Variants in BMAL1 observed in about 807,000 individuals in gnomAD.
BMAL1 encodes basic helix-loop-helix ARNT like 1.
chr11:13,375,897 C>T, the BMAL1 span: 168 of 799,368 alleles, frequency 2.1e-4, no homozygotes, highest in Non-Finnish European at 3.0e-4. Flanking sequence ...TGTGAAGCCT[C>T]AGGACTGGCA....
chr11:13,284,791 C>G, the BMAL1 span, among the ~76,000 whole-genome samples: 1 of 152,172 alleles, frequency 6.6e-6, no homozygotes, highest in South Asian at 2.1e-4. Flanking sequence ...GACAGGCCAG[C>G]TTTGCCTGCT....
At chr11:13,366,553 G>A in the BMAL1 span, 1 of 943,664 alleles carries the variant, frequency 1.1e-6, no homozygotes, top group South Asian at 1.5e-5. Context: ...AAAGTTTGAG[G>A]TCTCATGCAC....
the BMAL1 span, chr11:13,356,673 TTATGA>T: frequency 1.3e-5 from 20 of 1,587,824 alleles, no homozygotes; most frequent in Non-Finnish European, 1.5e-5. Context: ...GCCTTCTGTC[TTATGA>T]TAAGAAGCTC....
chr11:13,290,579 A>G, the BMAL1 span, among the ~76,000 whole-genome samples: 2 of 150,898 alleles, frequency 1.3e-5, no homozygotes, highest in Non-Finnish European at 2.9e-5. Flanking sequence ...TATTATTATT[A>G]TTATTATTAT....
At chr11:13,366,843 G>A in the BMAL1 span, 1 of 1,367,930 alleles carries the variant, frequency 7.3e-7, no homozygotes, top group Non-Finnish European at 1.0e-6. Context: ...CCAACCCTGA[G>A]TGAGCAGAGG....
At chr11:13,334,707 G>A in the BMAL1 span, among the ~76,000 whole-genome samples, 1 of 152,174 alleles carries the variant, frequency 6.6e-6, no homozygotes, top group African/African-American at 2.4e-5. Flanking sequence ...CAGCAGTTAC[G>A]GGGGTGGAAG....
the BMAL1 span, among the ~76,000 whole-genome samples, chr11:13,382,949 T>C: frequency 6.6e-6 from 1 of 152,220 alleles, no homozygotes; most frequent in African/African-American, 2.4e-5. Flanking sequence ...CTTATGAAAA[T>C]TCTCCCTTTT....
the BMAL1 span, among the ~76,000 whole-genome samples, chr11:13,341,356 C>T: frequency 2.8e-4 from 42 of 152,220 alleles, no homozygotes; most frequent in Non-Finnish European, 4.6e-4. Flanking sequence ...CAGGCCATTC[C>T]ATCCAAGATC....
At chr11:13,295,603 G>A in the BMAL1 span, among the ~76,000 whole-genome samples, 2 of 152,174 alleles carry the variant, frequency 1.3e-5, no homozygotes, top group Non-Finnish European at 2.9e-5. Flanking sequence ...CCTTCAGATG[G>A]AGATAGCAAA....
At chr11:13,278,458 C>T in the BMAL1 span, among the ~76,000 whole-genome samples, 1 of 152,216 alleles carries the variant, frequency 6.6e-6, no homozygotes, top group Non-Finnish European at 1.5e-5. Flanking sequence ...GCCCTTCCTC[C>T]CCGCTTCACT....
the BMAL1 span, chr11:13,360,476 A>C: frequency 1.4e-5 from 21 of 1,528,262 alleles, no homozygotes; most frequent in African/African-American, 2.8e-5. Flanking sequence ...TAAATTTTCA[A>C]GTAAGTACCA....
the BMAL1 span, among the ~76,000 whole-genome samples, chr11:13,383,570 T>C: frequency 6.6e-6 from 1 of 152,146 alleles, no homozygotes; most frequent in Non-Finnish European, 1.5e-5. Context: ...CCATCATGGC[T>C]AGGTGCAGTG....
chr11:13,289,276 G>T, the BMAL1 span, among the ~76,000 whole-genome samples: 1 of 152,224 alleles, frequency 6.6e-6, no homozygotes, highest in East Asian at 1.9e-4. Flanking sequence ...AGGAGAACCA[G>T]AAGAAAGTTC....
chr11:13,359,813 G>T, the BMAL1 span, among the ~76,000 whole-genome samples: 1 of 152,174 alleles, frequency 6.6e-6, no homozygotes, highest in Non-Finnish European at 1.5e-5. Context: ...ATTGACTGAA[G>T]CAATGCATTC....
the BMAL1 span, among the ~76,000 whole-genome samples, chr11:13,284,160 G>A: frequency 0.095 from 880 of 9,248 alleles, 32 homozygotes; most frequent in Non-Finnish European, 0.13. Context: ...ATATATATAT[G>A]TGTGTATATA....
chr11:13,360,523 T>A, the BMAL1 span: 399 of 1,075,696 alleles, frequency 3.7e-4, no homozygotes, highest in Non-Finnish European at 5.1e-4. Flanking sequence ...CTGAGCTTTT[T>A]TTTTTAGGCC....
chr11:13,385,717 C>T, the BMAL1 span: 1 of 1,613,508 alleles, frequency 6.2e-7, no homozygotes, highest in Non-Finnish European at 8.5e-7. Flanking sequence ...CCAGACATTC[C>T]TTCCAGTGGC....
chr11:13,295,725 AC>A, the BMAL1 span, among the ~76,000 whole-genome samples: 2 of 152,220 alleles, frequency 1.3e-5, no homozygotes, highest in Non-Finnish European at 2.9e-5. Context: ...AAATTTGCAT[AC>A]AAGAGTCCAG....
chr11:13,332,105 G>A, the BMAL1 span, among the ~76,000 whole-genome samples: 1 of 152,194 alleles, frequency 6.6e-6, no homozygotes, highest in African/African-American at 2.4e-5. Flanking sequence ...ATGCTAGGAT[G>A]TGAACCACCT....
Sources: allele counts gnomAD v4.1 joint callset (sites outside exome capture counted in the v4.1 genomes callset), GRCh38; gene constraint gnomAD v4.1.1; transcripts MANE v1.5; gene names NCBI Gene and HGNC (gene_info 2026-07-23, HGNC 2026-07-21).